The following CAMKMT variants were observed in gnomAD, a reference collection of about 807,000 sequenced individuals.
The protein encoded by CAMKMT is CaM KMT.
A neutral mutation model predicts 48.0 loss-of-function variants in CAMKMT; 53 were observed. The ratio of observed to expected loss-of-function variants is 1.10; its 90% CI spans 0.89 to 1.39. The LOEUF is 1.39. Ranked by LOEUF, CAMKMT falls within the 40% of genes most tolerant of loss-of-function variation. CAMKMT has a pLI of 0.00. For synonymous variants in CAMKMT, 165 were observed against 152.3 expected, an observed-to-expected ratio of 1.08 and a Z score of -0.61; for missense variants, 428 against 402.7, an observed-to-expected ratio of 1.06 and a Z score of -0.54.
At chr2:44,596,159 G>A (rs900028329) in intron 3 of CAMKMT, among the ~76,000 whole-genome samples, 1 of 151,508 alleles carries the variant, frequency 6.6e-6, no homozygotes, top group Non-Finnish European at 1.5e-5. Flanking sequence ...AGAAAAAGAC[G>A]AATTCTTGGC....
chr2:44,601,607 C>G, intron 3 of CAMKMT, among the ~76,000 whole-genome samples: 1 of 152,144 alleles, frequency 6.6e-6, no homozygotes, highest in East Asian at 1.9e-4. Flanking sequence ...CCTCTGTTCT[C>G]ACATGTAGTG....
Position 44,417,251 on chromosome 2 carries a change from T to TG in CAMKMT, c.376+26949dup, listed in dbSNP as rs1683621084. ...TACTAAAAATACAAAAAAAATTAGC[T>TG]GGGCGTGGTAGTGCACACCTGTAAT... On this transcript the variant is annotated intron_variant, in intron 3 of 10. Transcript: ENST00000378494. Among the ~76,000 whole-genome samples the TG allele has an allele frequency of 2.0e-5, 3 of 151,920 alleles. No homozygotes were observed. The South Asian group carries it at 6.2e-4, about 32-fold the overall frequency.
At chr2:44,627,950 T>C (rs764853639) in intron 3 of CAMKMT, among the ~76,000 whole-genome samples, 10 of 151,984 alleles carry the variant, frequency 6.6e-5, no homozygotes, top group Non-Finnish European at 1.2e-4. Flanking sequence ...TCCACCCACC[T>C]TCTCGGCCTC....
chr2:44,459,955 A>T (rs1409074951), intron 3 of CAMKMT, among the ~76,000 whole-genome samples: 2 of 152,322 alleles, frequency 1.3e-5, no homozygotes, highest in East Asian at 1.9e-4. Context: ...TGCAAGCCTG[A>T]TGGATCAGCT....
rs370187949 is a variant in CAMKMT, at chr2:44,708,847, G to C, written c.556+1385G>C. On this transcript the variant is annotated intron_variant, in intron 6 of 10. Transcript: ENST00000378494. ...TGGGGGGAGCAGGATTATTGGACAAGAGAAGATTATTTTAGCCACAGAAAC... is the reference window on the plus strand; with the variant it reads ...TGGGGGGAGCAGGATTATTGGACAACAGAAGATTATTTTAGCCACAGAAAC... 7.9e-5 allele frequency among the ~76,000 whole-genome samples: 12 copies of C among 152,062 alleles called. 1 individual carries two copies. The highest frequency in any genetic ancestry group is 2.9e-4 in the African/African-American group (12 of 41,508).
At chr2:44,409,100 TA>T (rs1682990919) in intron 3 of CAMKMT, among the ~76,000 whole-genome samples, 1 of 3,234 alleles carries the variant, frequency 3.1e-4, no homozygotes, top group African/African-American at 1.6e-3. Context: ...TATATATATA[TA>T]TATATATATA....
intron 3 of CAMKMT, among the ~76,000 whole-genome samples, chr2:44,481,050 T>C (rs1668942526): frequency 1.3e-5 from 2 of 152,172 alleles, no homozygotes; most frequent in South Asian, 4.1e-4. Flanking sequence ...TTCAATAGTA[T>C]GTTCAGAATG....
intron 3 of CAMKMT, among the ~76,000 whole-genome samples, chr2:44,405,539 C>T (rs1027789160): frequency 1.3e-5 from 2 of 151,834 alleles, no homozygotes; most frequent in African/African-American, 2.4e-5. Flanking sequence ...TTTAGGAAAT[C>T]GGAACTTGAA....
intron 7 of CAMKMT, 128 bp from the exon 8 acceptor site, chr2:44,743,493 AC>A: frequency 1.6e-6 from 1 of 624,634 alleles, no homozygotes; most frequent in African/African-American, 1.9e-5. Context: ...TTTTTATTAT[AC>A]CTTTTGAAAT....
intron 3 of CAMKMT, among the ~76,000 whole-genome samples, chr2:44,658,880 A>G (rs1344832298): frequency 6.6e-6 from 1 of 152,124 alleles, no homozygotes; most frequent in Non-Finnish European, 1.5e-5. Context: ...GCTAGCAAAC[A>G]TGGAGCTAAG....
At chr2:44,561,516 C>A (rs777237363) in intron 3 of CAMKMT, among the ~76,000 whole-genome samples, 2 of 152,170 alleles carry the variant, frequency 1.3e-5, no homozygotes, top group African/African-American at 2.4e-5. Context: ...CTTGGGATAA[C>A]CTGGTGACAT....
At chr2:44,379,342 G>C (rs1680011057) in intron 2 of CAMKMT, among the ~76,000 whole-genome samples, 1 of 151,448 alleles carries the variant, frequency 6.6e-6, no homozygotes, top group Non-Finnish European at 1.5e-5. Flanking sequence ...TTCTAATTTT[G>C]GGCTATTATG....
At chr2:44,633,405 T>C (rs983595964) in intron 3 of CAMKMT, among the ~76,000 whole-genome samples, 9 of 152,220 alleles carry the variant, frequency 5.9e-5, no homozygotes, top group Admixed American at 5.9e-4. Context: ...ATTATGTATA[T>C]GTTAGGCAGA....
intron 3 of CAMKMT, among the ~76,000 whole-genome samples, chr2:44,470,542 T>C (rs980836503): frequency 6.6e-6 from 1 of 152,338 alleles, no homozygotes; most frequent in African/African-American, 2.4e-5. Flanking sequence ...TTCATGGAGA[T>C]ACCTTGTTAT....
At chr2:44,546,099 A>G (rs977616926) in intron 3 of CAMKMT, among the ~76,000 whole-genome samples, 41 of 151,360 alleles carry the variant, frequency 2.7e-4, no homozygotes, top group African/African-American at 9.5e-4. Flanking sequence ...TTTGTCTATA[A>G]CATTCATCAG....
intron 3 of CAMKMT, among the ~76,000 whole-genome samples, chr2:44,593,624 C>T (rs999067914): frequency 2.0e-5 from 3 of 152,152 alleles, no homozygotes; most frequent in African/African-American, 7.2e-5. Flanking sequence ...GCCTCCTGCC[C>T]ACTGTCTTGA....
chr2:44,488,159 T>C (rs1169990750), intron 3 of CAMKMT, among the ~76,000 whole-genome samples: 1 of 152,218 alleles, frequency 6.6e-6, no homozygotes, highest in Non-Finnish European at 1.5e-5. Flanking sequence ...TATCTATCTT[T>C]AGGGATATGA....
intron 3 of CAMKMT, among the ~76,000 whole-genome samples, chr2:44,629,677 C>A (rs1469919436): frequency 2.0e-5 from 3 of 152,036 alleles, no homozygotes; most frequent in African/African-American, 7.2e-5. Context: ...ACCTAGGAAT[C>A]CACCTTACAA....
Position 44,670,029 on chromosome 2 carries a change from A to T in CAMKMT, c.377-34254A>T, listed in dbSNP as rs117806827. On this transcript the variant is annotated intron_variant, in intron 3 of 10. Coordinates refer to ENST00000378494, the MANE Select transcript of CAMKMT (RefSeq NM_024766.5). ...ATGTTTTCTCTCTTGTGAAATGCCTATTTGTATTTTTGGCCCATTTTTCTA... is the reference window on the plus strand; with the variant it reads ...ATGTTTTCTCTCTTGTGAAATGCCTTTTTGTATTTTTGGCCCATTTTTCTA... Among the ~76,000 whole-genome samples the T allele has an allele frequency of 9.2e-5, 14 of 152,176 alleles. No homozygotes were observed. The East Asian group carries it at 2.7e-3, about 29-fold the overall frequency.
Sources: allele counts gnomAD v4.1 joint callset (sites outside exome capture counted in the v4.1 genomes callset), GRCh38; gene constraint gnomAD v4.1.1; transcripts MANE v1.5; gene names NCBI Gene and HGNC (gene_info 2026-07-23, HGNC 2026-07-21).